Variants in TSPOAP1 observed in about 807,000 individuals in gnomAD.
The protein encoded by TSPOAP1 is peripheral-type benzodiazepine receptor-associated protein 1.
A neutral mutation model predicts 197.0 loss-of-function variants in TSPOAP1; 87 were observed. The observed-to-expected ratio is 0.44, with a 90% CI of 0.37 to 0.53. The LOEUF (loss-of-function observed/expected upper bound fraction) is 0.53. Among genes scored for constraint, TSPOAP1 ranks in the 20% least tolerant of loss-of-function variants. The pLI is 0.00. For missense variants in TSPOAP1, 2,174 were observed against 2,411.3 expected (o/e 0.90, Z 2.06); for synonymous variants, 913 against 998.9 (o/e 0.91, Z 1.62).
rs1971049472 is a variant in TSPOAP1 at position 58,310,595 on chromosome 17, G to C, written c.3616C>G (p.Gln1206Glu). Residue 1206 changes from glutamine to glutamate, a missense_variant, in exon 20 of 32, where the codon CAG (glutamine) becomes GAG (glutamate). Gln to Glu is a conservative substitution (Grantham distance 29, BLOSUM62 2). Transcript: ENST00000343736. ...GGCGCCTGCTGGGCCCGTGCTCCCT[G>C]GGTGGAGCTGGAGGCCGGACAGGCC... ...GEACPASSSTQGARAQQAPNT... is the reference protein window; with the variant it reads ...GEACPASSSTEGARAQQAPNT... 1.9e-6 allele frequency: 3 copies of C among 1,613,356 alleles called. No homozygotes were observed. Among genetic ancestry groups the C allele is most frequent in the Middle Eastern group, 1.6e-4 (1 of 6,062 alleles).
chr17:58,312,811 T>C (rs896746357), intron 16 of TSPOAP1, 89 bp from the exon 17 acceptor site: 2 of 927,552 alleles, frequency 2.2e-6, no homozygotes, highest in Non-Finnish European at 1.6e-6. Flanking sequence ...TTTTAGCAAC[T>C]GCTAGTGGGT....
intron 11 of TSPOAP1, 83 bp from the exon 12 acceptor site, chr17:58,320,212 G>A: frequency 6.6e-7 from 1 of 1,516,912 alleles, no homozygotes; most frequent in Non-Finnish European, 9.1e-7. Flanking sequence ...CGGAGAAGGG[G>A]GCCTAAGTGG....
In TSPOAP1 at chr17:58,301,579, C is replaced by T. The variant is rs950858716; in HGVS notation, c.*901G>A. Reference sequence around the variant, plus strand: ...GGCAAACCCAACTCCGCTTTCGGCCCCGCTGGCCCCAGGGTCTTTGGGGGC... The same window carrying T: ...GGCAAACCCAACTCCGCTTTCGGCCTCGCTGGCCCCAGGGTCTTTGGGGGC... On this transcript the variant is annotated 3_prime_UTR_variant, in exon 32 of 32. Transcript: ENST00000343736. The T allele has an allele frequency of 3.9e-5, 6 of 152,716 alleles. No individual in the cohort carries two copies. Among genetic ancestry groups the T allele is most frequent in the African/African-American group, 7.2e-5 (3 of 41,470 alleles). The allele number at this position is 152,716 out of a possible 1,614,324, so 9.5% of individuals were successfully genotyped here.
In TSPOAP1 at chr17:58,304,087, A is replaced by C. The variant is rs1970796013; in HGVS notation, c.*32+251T>G. On this transcript the variant is annotated intron_variant, in intron 31 of 31. Coordinates refer to ENST00000343736, the MANE Select transcript of TSPOAP1 (RefSeq NM_004758.4). This position sits in a 1 kb window ranked among gnomAD's most constrained non-coding sequence, Gnocchi z 4.2. ...AATAGGAAGCATCAGCTAATATGGG[A>C]CATCACACACTAAGATGACATGTAA... 2.0e-6 allele frequency: 1 copy of C among 490,692 alleles called. No individual in the cohort carries two copies. Among genetic ancestry groups the C allele is most frequent in the Non-Finnish European group, 3.7e-6 (1 of 271,336 alleles). The allele number at this position is 490,692 out of a possible 1,614,324, so 30.4% of individuals were successfully genotyped here.
At position 58,308,675 on chromosome 17, in the gene TSPOAP1, C is replaced by A; in HGVS notation, c.4597G>T (p.Val1533Leu). The A allele has an allele frequency of 6.2e-7, 1 of 1,612,670 alleles. No individual in the cohort carries two copies. The highest frequency in any genetic ancestry group is 1.1e-5 in the South Asian group (1 of 91,052). ...TTCGGAGGCCCCCTGGGCCTTCCTA[C>A]AGTTGCTGTGCCCCAGGCCTCCCCA... ...GDGEAWGTAT[V>L]GRPRGPPKAN... The change falls in exon 22 of 32, where the codon GTA becomes TTA. Residue 1533 changes from valine to leucine, a missense_variant. Physicochemically the swap from Val to Leu is conservative, Grantham distance 32. Coordinates refer to ENST00000343736, the MANE Select transcript of TSPOAP1 (RefSeq NM_004758.4).
At position 58,309,885 on chromosome 17, in the gene TSPOAP1, G is replaced by A; in HGVS notation, c.3891+82C>T. 1 of 1,502,132 alleles carries A rather than the reference G, an allele frequency of 6.7e-7. No homozygotes were observed. The highest frequency in any genetic ancestry group is 9.0e-7 in the Non-Finnish European group (1 of 1,112,992). 93.1% of individuals were successfully genotyped at this position (1,502,132 alleles called of 1,614,324 possible). A position where few individuals can be genotyped will look rare whatever the true frequency, so the allele number is the denominator to read the frequency against. On this transcript the variant is annotated intron_variant, in intron 21 of 31. Coordinates refer to ENST00000343736, the MANE Select transcript of TSPOAP1 (RefSeq NM_004758.4). This position sits in a 1 kb window ranked among gnomAD's most constrained non-coding sequence, Gnocchi z 5.0. ...TAGAATGTTTCTGGCACTCAGTGGTGGTCAGAGCACCTGCTGACACACAGT... is the reference window on the plus strand; with the variant it reads ...TAGAATGTTTCTGGCACTCAGTGGTAGTCAGAGCACCTGCTGACACACAGT...
At chr17:58,321,010 A>C (rs1340835625) in intron 10 of TSPOAP1, among the ~76,000 whole-genome samples, 3 of 152,150 alleles carry the variant, frequency 2.0e-5, no homozygotes, top group African/African-American at 7.2e-5. Context: ...CCATCTACTC[A>C]TACAACTAAA....
Position 58,307,849 on chromosome 17 carries a change from T to A in TSPOAP1, c.4824A>T (p.Ala1608=). 1 of 1,613,868 alleles carries A rather than the reference T, an allele frequency of 6.2e-7. No individual in the cohort carries two copies. Among genetic ancestry groups the A allele is most frequent in the Non-Finnish European group, 8.5e-7 (1 of 1,180,016 alleles). Residue 1608 remains alanine (A), a synonymous_variant, in exon 23 of 32, where the codon GCA becomes GCT. Transcript: ENST00000343736. ...GCCCCATCAGGTGCTCACCTAGCTC[T>A]GCAGTGCTTGGCCTGAGGACTCGGA... ...RGVRVLRPST[A]ELVPARSPSE... is the part of the protein sequence containing the mutation.
At position 58,309,488 on chromosome 17, in the gene TSPOAP1, G is replaced by A; in HGVS notation, c.3892-108C>T. The A allele has an allele frequency of 7.0e-7, 1 of 1,425,322 alleles. No homozygotes were observed. Among genetic ancestry groups the A allele is most frequent in the South Asian group, 1.4e-5 (1 of 71,704 alleles). 88.3% of individuals were successfully genotyped at this position (1,425,322 alleles called of 1,614,324 possible). A position where few individuals can be genotyped will look rare whatever the true frequency, so the allele number is the denominator to read the frequency against. On this transcript the variant is annotated intron_variant, in intron 21 of 31. Coordinates refer to ENST00000343736, the MANE Select transcript of TSPOAP1 (RefSeq NM_004758.4). This position sits in a 1 kb window ranked among gnomAD's most constrained non-coding sequence, Gnocchi z 5.0. Reference sequence around the variant, plus strand: ...CCCTCAAACGAAGGCAGGGGTTACGGACAACCCCACAGCCCTCCCACGGCT... The same window carrying A: ...CCCTCAAACGAAGGCAGGGGTTACGAACAACCCCACAGCCCTCCCACGGCT...
chr17:58,310,610 C>G lies in TSPOAP1; in HGVS notation c.3601G>C (p.Ala1201Pro), dbSNP rs1167994175. 1 of 1,613,140 alleles carries G rather than the reference C, an allele frequency of 6.2e-7. No individual in the cohort carries two copies. Among genetic ancestry groups the G allele is most frequent in the Non-Finnish European group, 8.5e-7 (1 of 1,180,038 alleles). ...AEWTAGEACP[A>P]SSSTQGARAQ... ...CGTGCTCCCTGGGTGGAGCTGGAGG[C>G]CGGACAGGCCTCTCCTGCAGTCCAC... Residue 1201 changes from alanine (A) to proline (P), a missense_variant, in exon 20 of 32, where the codon GCC (alanine) becomes CCC (proline). Physicochemically the swap from Ala to Pro is conservative, Grantham distance 27 (BLOSUM62 -1). Coordinates refer to ENST00000343736, the MANE Select transcript of TSPOAP1 (RefSeq NM_004758.4).
Position 58,326,094 on chromosome 17 carries a change from G to GC in TSPOAP1, c.570+198dup, listed in dbSNP as rs1971590415. ...GAACCTCCCCATCCAGCTCTTCTCT[G>GC]CCCCCTGCAGCTCCAGAAACCTTTG... is the stretch of plus-strand genomic sequence containing the variant. On this transcript the variant is annotated intron_variant, in intron 3 of 31. Coordinates refer to ENST00000343736, the MANE Select transcript of TSPOAP1 (RefSeq NM_004758.4). The surrounding 1 kb of genome is among the most constrained non-coding windows in gnomAD (Gnocchi z 4.7). Among the ~76,000 whole-genome samples, 1 of 152,098 alleles carries GC rather than the reference G, an allele frequency of 6.6e-6. No individual in the cohort carries two copies. The highest frequency in any genetic ancestry group is 1.5e-5 in the Non-Finnish European group (1 of 68,028).
At position 58,323,279 on chromosome 17, in the gene TSPOAP1, G is replaced by A; in HGVS notation, c.1104+19C>T. 6.2e-7 allele frequency: 1 copy of A among 1,613,610 alleles called. No individual in the cohort carries two copies. Among genetic ancestry groups the A allele is most frequent in the Non-Finnish European group, 8.5e-7 (1 of 1,179,874 alleles). On this transcript the variant is annotated intron_variant, in intron 7 of 31. Coordinates refer to ENST00000343736, the MANE Select transcript of TSPOAP1 (RefSeq NM_004758.4). ...GGTGAAGGGAGGAGCTGGCCTCTGG[G>A]TTGCCCTCAAGAGCTCACCAGCTCC...
At position 58,326,868 on chromosome 17, in the gene TSPOAP1, A is replaced by G; in HGVS notation, c.334-78T>C. The G allele has an allele frequency of 1.6e-6, 2 of 1,214,800 alleles. No homozygotes were observed. Among genetic ancestry groups the G allele is most frequent in the Non-Finnish European group, 2.4e-6 (2 of 822,776 alleles). The allele number at this position is 1,214,800 out of a possible 1,614,324, so 75.3% of individuals were successfully genotyped here. A position where few individuals can be genotyped will look rare whatever the true frequency, so the allele number is the denominator to read the frequency against. ...CAGAGCCTTCCCTGTGGAAGCATCC[A>G]CCATCCATGGTCCAAGGAGACATGG... On this transcript the variant is annotated intron_variant, in intron 1 of 31. Coordinates refer to ENST00000343736, the MANE Select transcript of TSPOAP1 (RefSeq NM_004758.4). This position sits in a 1 kb window ranked among gnomAD's most constrained non-coding sequence, Gnocchi z 4.7.
chr17:58,302,161 G>A lies in TSPOAP1; in HGVS notation c.*319C>T, dbSNP rs141491349. On this transcript the variant is annotated 3_prime_UTR_variant, in exon 32 of 32. Coordinates refer to ENST00000343736, the MANE Select transcript of TSPOAP1 (RefSeq NM_004758.4). ...TCCCTCTGAATGCCACAGTGTTAAC[G>A]CAGAAGAACGGGGGCTCTGGGCCCA... The A allele has an allele frequency of 5.7e-3, 5,945 of 1,045,470 alleles. 28 individuals carry two copies. Among genetic ancestry groups the A allele is most frequent in the Non-Finnish European group, 6.8e-3 (5,459 of 800,332 alleles). The allele number at this position is 1,045,470 out of a possible 1,614,324, so 64.8% of individuals were successfully genotyped here.
Position 58,304,966 on chromosome 17 carries a change from C to G in TSPOAP1, c.5544+95G>C. 1.1e-6 allele frequency: 1 copy of G among 939,582 alleles called. No individual in the cohort carries two copies. The highest frequency in any genetic ancestry group is 1.8e-6 in the Non-Finnish European group (1 of 569,324). The allele number at this position is 939,582 out of a possible 1,614,324, so 58.2% of individuals were successfully genotyped here. On this transcript the variant is annotated intron_variant, in intron 30 of 31. Coordinates refer to ENST00000343736, the MANE Select transcript of TSPOAP1 (RefSeq NM_004758.4). This position sits in a 1 kb window ranked among gnomAD's most constrained non-coding sequence, Gnocchi z 4.2. ...CACAGTGCTTACCTGCATGACCACCCCAGCTGCACCCCTGCCGCAACACTG... is the reference window on the plus strand; with the variant it reads ...CACAGTGCTTACCTGCATGACCACCGCAGCTGCACCCCTGCCGCAACACTG...
At chr17:58,311,340 G>T (rs1971072307) in intron 18 of TSPOAP1, 127 bp from the exon 19 acceptor site, 2 of 1,386,974 alleles carry the variant, frequency 1.4e-6, no homozygotes. Flanking sequence ...ACTGTGCTAA[G>T]CCCTCTGCAT....
At chr17:58,325,069 C>A in intron 4 of TSPOAP1, 67 bp from the exon 5 acceptor site, 1 of 1,372,566 alleles carries the variant, frequency 7.3e-7, no homozygotes, top group Non-Finnish European at 9.7e-7. Context: ...ATGCCATCCC[C>A]TGCAGAGCCC....
intron 20 of TSPOAP1, 109 bp from the exon 21 acceptor site, chr17:58,310,267 G>C: frequency 1.6e-6 from 2 of 1,259,536 alleles, no homozygotes; most frequent in Non-Finnish European, 2.2e-6. Flanking sequence ...GGCAGAGGGA[G>C]AAAGAGCCAT....
intron 16 of TSPOAP1, among the ~76,000 whole-genome samples, chr17:58,314,523 GGCCATAA>G (rs1238043011): frequency 2.0e-5 from 3 of 152,198 alleles, no homozygotes; most frequent in African/African-American, 7.2e-5. Flanking sequence ...GGAGTGAGGT[GGCCATAA>G]GCCAAGGAAC....
Sources: gnomAD v4.1 joint callset for allele counts (sites outside exome capture counted in the v4.1 genomes callset) on GRCh38, gnomAD v4.1.1 for gene constraint, Gnocchi (gnomAD v3.1) non-coding constraint, MANE v1.5 for transcripts, NCBI Gene and HGNC (gene_info 2026-07-23, HGNC 2026-07-21) for gene names.